The following UCHL3 variants were observed in gnomAD, a reference collection of about 807,000 sequenced individuals.
The protein encoded by UCHL3 is ubiquitin C-terminal hydrolase L3.
UCHL3 carries 22 observed loss-of-function variants against 35.8 expected under a neutral mutation model. That is an observed-to-expected ratio of 0.61 (90% CI 0.44 to 0.88). UCHL3 has a LOEUF of 0.88. UCHL3 is among the 40% of genes least tolerant of loss of function. The probability of loss-of-function intolerance (pLI) is 0.00; values close to 1 mark genes in which losing one functional copy is unlikely to be tolerated. For synonymous variants in UCHL3, 90 were observed against 92.8 expected (o/e 0.97, Z 0.17); for missense variants, 229 against 276.9 (o/e 0.83, Z 1.23).
Position 75,605,850 on chromosome 13 carries a change from G to T in UCHL3, c.*38G>T. On this transcript the variant is annotated 3_prime_UTR_variant, in exon 9 of 9. Transcript: ENST00000377595. ...GGAAACACCAAAAACTGTATTATTT[G>T]CAACTAAATTTTCTCTGCCATACAC... 6.2e-7 allele frequency: 1 copy of T among 1,600,384 alleles called. No individual in the cohort carries two copies. The highest frequency in any genetic ancestry group is 8.5e-7 in the Non-Finnish European group (1 of 1,171,976).
intron 3 of UCHL3, among the ~76,000 whole-genome samples, chr13:75,564,225 A>T (rs2031611060): frequency 6.6e-6 from 1 of 150,668 alleles, no homozygotes; most frequent in Admixed American, 6.6e-5. Context: ...ATCTCGGCTC[A>T]CTGCAAGCTC....
chr13:75,550,117 G>C, intron 2 of UCHL3, 130 bp downstream of exon 2: 1 of 1,438,406 alleles, frequency 7.0e-7, no homozygotes, highest in South Asian at 1.1e-5. Context: ...CTCTTGTTCG[G>C]CTTTACGCGG....
chr13:75,595,597 CAAAAAAAAAAAAAAA>C (rs58733406), intron 7 of UCHL3, among the ~76,000 whole-genome samples: 17 of 45,658 alleles, frequency 3.7e-4, no homozygotes, highest in African/African-American at 1.9e-3. Flanking sequence ...TACTCCATCT[CAAAAAAAAAAAAAAA>C]AAAAAAAAAA....
intron 2 of UCHL3, among the ~76,000 whole-genome samples, chr13:75,550,578 A>G (rs2031054943): frequency 6.6e-6 from 1 of 152,122 alleles, no homozygotes; most frequent in South Asian, 2.1e-4. Context: ...CATTCTTTGC[A>G]ATCTATAGCA....
chr13:75,559,968 A>C (rs147294269), intron 2 of UCHL3, among the ~76,000 whole-genome samples: 42 of 152,322 alleles, frequency 2.8e-4, no homozygotes, highest in African/African-American at 9.6e-4. Flanking sequence ...GTGACATCTT[A>C]AGAATTGTAA....
chr13:75,580,844 C>A (rs2032160384), intron 6 of UCHL3, among the ~76,000 whole-genome samples: 1 of 152,138 alleles, frequency 6.6e-6, no homozygotes, highest in Non-Finnish European at 1.5e-5. Flanking sequence ...CTTAAGGCAA[C>A]AAAACGTGTA....
intron 2 of UCHL3, among the ~76,000 whole-genome samples, chr13:75,558,941 A>G (rs1316474172): frequency 6.6e-6 from 1 of 151,014 alleles, no homozygotes. Context: ...AGCAGGAAGT[A>G]GTTCGAAGTG....
chr13:75,580,671 A>C (rs2032155478), intron 6 of UCHL3, among the ~76,000 whole-genome samples: 1 of 152,060 alleles, frequency 6.6e-6, no homozygotes, highest in South Asian at 2.1e-4. Context: ...GATGGTTACC[A>C]TTTTCTGAAT....
intron 6 of UCHL3, among the ~76,000 whole-genome samples, chr13:75,587,738 A>G (rs894827069): frequency 3.8e-4 from 58 of 152,210 alleles, no homozygotes; most frequent in Non-Finnish European, 6.3e-4. Flanking sequence ...GTTCTTCAAA[A>G]ATGACAAAAG....
At chr13:75,574,538 A>C (rs2031964219) in intron 6 of UCHL3, among the ~76,000 whole-genome samples, 1 of 152,198 alleles carries the variant, frequency 6.6e-6, no homozygotes. Flanking sequence ...ACTGCTTATT[A>C]GCTTAGGCAG....
At position 75,566,423 on chromosome 13, in the gene UCHL3, A is replaced by C. The variant is rs183497218; in HGVS notation, c.184-272A>C. On this transcript the variant is annotated intron_variant, in intron 3 of 8. Coordinates refer to ENST00000377595, the MANE Select transcript of UCHL3 (RefSeq NM_006002.5). The stretch of plus-strand genomic sequence containing the variant: ...ATGAGAATTTAAAATGTTAATACAT[A>C]TTGCCATATGCCCTGTAACGTGATC... 5.1e-4 allele frequency among the ~76,000 whole-genome samples: 78 copies of C among 152,326 alleles called. 1 individual carries two copies. In the East Asian group the frequency reaches 6.6e-3, roughly 13 times the overall value.
At chr13:75,605,087 A>G (rs1206898267) in intron 8 of UCHL3, 1 of 333,986 alleles carries the variant, frequency 3.0e-6, no homozygotes, top group Non-Finnish European at 5.4e-6. Context: ...CCGAGATTTC[A>G]TCAAATCCAG....
At chr13:75,590,264 T>C (rs969971362) in intron 6 of UCHL3, 1 of 1,186,358 alleles carries the variant, frequency 8.4e-7, no homozygotes, top group Non-Finnish European at 1.1e-6. Flanking sequence ...CCCAATAAGA[T>C]TGCAAGCATA....
At chr13:75,587,600 A>C (rs1033634206) in intron 6 of UCHL3, among the ~76,000 whole-genome samples, 1 of 152,214 alleles carries the variant, frequency 6.6e-6, no homozygotes, top group Non-Finnish European at 1.5e-5. Context: ...GGAAAAGAGT[A>C]TAAGTGCAGA....
rs568150079 is a variant in UCHL3, at chr13:75,564,133, G to A, written c.184-2562G>A. On this transcript the variant is annotated intron_variant, in intron 3 of 8. Transcript: ENST00000377595. ...CTTGGCTATCCTGAGTAATGCTGCA[G>A]TGAACATGGAAGTGCAGATATCTTT... 4.6e-5 allele frequency among the ~76,000 whole-genome samples: 7 copies of A among 152,138 alleles called. No individual in the cohort carries two copies. In the East Asian group the frequency reaches 1.4e-3, roughly 29 times the overall value.
rs182103240 is a variant in UCHL3, at chr13:75,578,225, A to G, written c.474+8718A>G. Among the ~76,000 whole-genome samples the G allele has an allele frequency of 1.1e-4, 16 of 139,538 alleles. No homozygotes were observed. The East Asian group carries it at 1.8e-3, about 16-fold the overall frequency. The allele number at this position is 139,538 out of a possible 152,430, so 91.5% of individuals were successfully genotyped here. On this transcript the variant is annotated intron_variant, in intron 6 of 8. Coordinates refer to ENST00000377595, the MANE Select transcript of UCHL3 (RefSeq NM_006002.5). ...AAAAAAACCTTTGCTACTGTATACT[A>G]TCATGTGAGTAAACCACAATTTATT...
Position 75,589,890 on chromosome 13 carries a change from A to G in UCHL3, c.475-5025A>G, listed in dbSNP as rs749259810. On this transcript the variant is annotated intron_variant, in intron 6 of 8. Coordinates refer to ENST00000377595, the MANE Select transcript of UCHL3 (RefSeq NM_006002.5). ...ACGTTGCTTTTAAGAATAAATGATCACCCAGTAACGTGGTCTAAGTAAAAT... is the reference window on the plus strand; with the variant it reads ...ACGTTGCTTTTAAGAATAAATGATCGCCCAGTAACGTGGTCTAAGTAAAAT... The G allele has an allele frequency of 4.8e-6, 6 of 1,238,744 alleles. No individual in the cohort carries two copies. In the South Asian group the frequency reaches 8.4e-5, roughly 17 times the overall value. The allele number at this position is 1,238,744 out of a possible 1,614,324, so 76.7% of individuals were successfully genotyped here. A position where few individuals can be genotyped will look rare whatever the true frequency, so the allele number is the denominator to read the frequency against.
At chr13:75,588,155 T>C (rs1048149398) in intron 6 of UCHL3, among the ~76,000 whole-genome samples, 7 of 152,132 alleles carry the variant, frequency 4.6e-5, no homozygotes, top group African/African-American at 1.7e-4. Context: ...TCTAAACATG[T>C]CTTCCTTATT....
At chr13:75,592,446 A>ATATAAATATATATATATATGTATATATG in intron 6 of UCHL3, among the ~76,000 whole-genome samples, 1 of 71,082 alleles carries the variant, frequency 1.4e-5, no homozygotes, top group South Asian at 4.5e-4. Context: ...ATATATATAT[A>ATATAAATATATATATATATGTATATATG]TATATATATA....
Sources: gnomAD v4.1 joint callset for allele counts (sites outside exome capture counted in the v4.1 genomes callset) on GRCh38, gnomAD v4.1.1 for gene constraint, MANE v1.5 for transcripts, NCBI Gene and HGNC (gene_info 2026-07-23, HGNC 2026-07-21) for gene names.